The following KDM4C variants were observed in gnomAD, a reference collection of about 807,000 sequenced individuals.
KDM4C encodes lysine demethylase 4C.
Under a neutral mutation model 129.3 loss-of-function variants are expected in KDM4C, and 81 were observed. The ratio of observed to expected loss-of-function variants is 0.63; its 90% confidence interval spans 0.52 to 0.75. The LOEUF is 0.75. KDM4C is among the 30% of genes least tolerant of loss of function. KDM4C has a pLI of 0.00. For synonymous variants in KDM4C, 573 were observed against 456.1 expected (o/e 1.26, Z -3.26); for missense variants, 1,457 against 1,304.0 (o/e 1.12, Z -1.81).
intron 4 of KDM4C, among the ~76,000 whole-genome samples, chr9:6,828,683 C>G (rs968287132): frequency 7.9e-5 from 12 of 150,956 alleles, no homozygotes; most frequent in African/African-American, 3.0e-4. Context: ...CCAACCTGGC[C>G]AAAGTGGAGA....
At chr9:6,943,843 A>G (rs1826398256) in intron 8 of KDM4C, among the ~76,000 whole-genome samples, 1 of 152,196 alleles carries the variant, frequency 6.6e-6, no homozygotes, top group South Asian at 2.1e-4. Context: ...CCTCACTTGA[A>G]TAATCATTAA....
chr9:6,995,822 C>T (rs528234212), intron 12 of KDM4C, among the ~76,000 whole-genome samples: 3 of 152,124 alleles, frequency 2.0e-5, no homozygotes, highest in Admixed American at 2.0e-4. Flanking sequence ...CAGGCGCCTG[C>T]CACCACGCCC....
intron 4 of KDM4C, chr9:6,835,460 A>G: frequency 2.3e-6 from 3 of 1,278,940 alleles, no homozygotes; most frequent in Non-Finnish European, 3.4e-6. Context: ...GAGCTCAAGC[A>G]CTCTGTGTGG....
chr9:7,037,877 A>G (rs1250711476), intron 15 of KDM4C, among the ~76,000 whole-genome samples: 1 of 152,116 alleles, frequency 6.6e-6, no homozygotes, highest in Admixed American at 6.6e-5. Context: ...TTGGCTGACT[A>G]GCAGTATAGC....
In KDM4C at chr9:6,988,655, G is replaced by GCCAT. The variant is rs3072728; in HGVS notation, c.1678-1712_1678-1709dup. ...AATAAGTATTATGTTATTTTTTAAAGCCATCCATCCATCCATCCATCCATC... is the reference window on the plus strand; with the variant it reads ...AATAAGTATTATGTTATTTTTTAAAGCCATCCATCCATCCATCCATCCATCCATC... On this transcript the variant is annotated intron_variant, in intron 11 of 21. Transcript: ENST00000381309. Among the ~76,000 whole-genome samples, 1,100 of 149,194 alleles carry GCCAT rather than the reference G, an allele frequency of 7.4e-3. 16 individuals carry two copies. The highest frequency in any genetic ancestry group is 0.026 in the African/African-American group (1,033 of 40,420).
chr9:6,828,226 C>T (rs539998257), intron 4 of KDM4C, among the ~76,000 whole-genome samples: 1 of 152,200 alleles, frequency 6.6e-6, no homozygotes, highest in East Asian at 1.9e-4. Flanking sequence ...CAGCTCACTG[C>T]AAGCTCCGCC....
chr9:6,808,052 C>G (rs1830442581), intron 3 of KDM4C, among the ~76,000 whole-genome samples: 1 of 100,598 alleles, frequency 9.9e-6, no homozygotes, highest in Non-Finnish European at 2.0e-5. Flanking sequence ...GCGCCTCTGC[C>G]CGGCCGCCCC....
At chr9:6,931,762 A>G (rs1400817210) in intron 8 of KDM4C, among the ~76,000 whole-genome samples, 38 of 152,196 alleles carry the variant, frequency 2.5e-4, no homozygotes, top group Admixed American at 2.5e-3. Context: ...TAGTCTCCCA[A>G]AGTGTTGGGA....
intron 5 of KDM4C, among the ~76,000 whole-genome samples, chr9:6,858,526 A>C (rs982871067): frequency 2.9e-4 from 44 of 152,306 alleles, no homozygotes; most frequent in African/African-American, 1.0e-3. Context: ...AGGGCTGGGC[A>C]TGGTTGGGAG....
At chr9:6,947,069 T>C (rs543261319) in intron 8 of KDM4C, among the ~76,000 whole-genome samples, 1 of 152,240 alleles carries the variant, frequency 6.6e-6, no homozygotes, top group East Asian at 1.9e-4. Context: ...TGTCGTACTT[T>C]TGTAAATTAA....
chr9:6,855,364 C>A (rs560623723), intron 5 of KDM4C, among the ~76,000 whole-genome samples: 1 of 140,470 alleles, frequency 7.1e-6, no homozygotes, highest in African/African-American at 2.7e-5. Flanking sequence ...GAGGCTGAGG[C>A]AGGAGAATCA....
chr9:6,825,344 C>G (rs1187114763), intron 4 of KDM4C, among the ~76,000 whole-genome samples: 1 of 152,162 alleles, frequency 6.6e-6, no homozygotes, highest in Non-Finnish European at 1.5e-5. Context: ...GTCTGCGTGT[C>G]TTCCTGTGGT....
At chr9:6,995,188 G>A (rs917408367) in intron 12 of KDM4C, among the ~76,000 whole-genome samples, 1 of 151,144 alleles carries the variant, frequency 6.6e-6, no homozygotes, top group Non-Finnish European at 1.5e-5. Flanking sequence ...GTGTGAGGAA[G>A]AAAAGAAGAA....
At chr9:6,814,852 A>G (rs942645137) in intron 4 of KDM4C, 107 bp downstream of exon 4, 2 of 566,884 alleles carry the variant, frequency 3.5e-6, no homozygotes, top group South Asian at 3.6e-5. Flanking sequence ...TGGGTGATCC[A>G]TAATTCCTCA....
At chr9:6,771,958 C>G (rs531553289) in intron 1 of KDM4C, among the ~76,000 whole-genome samples, 8 of 152,176 alleles carry the variant, frequency 5.3e-5, no homozygotes, top group South Asian at 2.1e-4. Flanking sequence ...TTCCAGCCCC[C>G]CTGAGGGAGA....
intron 5 of KDM4C, among the ~76,000 whole-genome samples, chr9:6,862,969 A>T (rs886939004): frequency 6.6e-6 from 1 of 152,164 alleles, no homozygotes; most frequent in Non-Finnish European, 1.5e-5. Context: ...TTATTCATGG[A>T]TGGTGTAATT....
At chr9:7,131,836 T>C (rs1003645259) in intron 19 of KDM4C, among the ~76,000 whole-genome samples, 2 of 152,198 alleles carry the variant, frequency 1.3e-5, no homozygotes, top group Non-Finnish European at 2.9e-5. Flanking sequence ...GTGAAAACAC[T>C]AACTACATTT....
intron 17 of KDM4C, among the ~76,000 whole-genome samples, chr9:7,056,773 G>C (rs963679900): frequency 1.3e-5 from 2 of 152,142 alleles, no homozygotes; most frequent in African/African-American, 4.8e-5. Context: ...TTATTTTCTA[G>C]CTTGCATTGA....
At chr9:6,909,269 G>A (rs1470340547) in intron 8 of KDM4C, among the ~76,000 whole-genome samples, 1 of 152,192 alleles carries the variant, frequency 6.6e-6, no homozygotes, top group Non-Finnish European at 1.5e-5. Flanking sequence ...TTCACGATGT[G>A]GCCAAGAGAA....
Sources: gnomAD v4.1 joint callset for allele counts (sites outside exome capture counted in the v4.1 genomes callset) on GRCh38, gnomAD v4.1.1 for gene constraint, MANE v1.5 for transcripts, NCBI Gene and HGNC (gene_info 2026-07-23, HGNC 2026-07-21) for gene names.